Variants in SFRP1 observed in about 807,000 individuals in gnomAD.
SFRP1 encodes secreted frizzled-related protein 1.
Under a neutral mutation model 25.9 loss-of-function variants are expected in SFRP1, and 9 were observed. That is an observed-to-expected ratio of 0.35 (90% CI 0.21 to 0.61). SFRP1 has a LOEUF of 0.61. SFRP1 is among the 20% of genes least tolerant of loss of function. SFRP1 has a pLI of 0.78. For synonymous variants in SFRP1, 178 were observed against 174.0 expected, an observed-to-expected ratio of 1.02 and a Z score of -0.18; for missense variants, 346 against 418.2, an observed-to-expected ratio of 0.83 and a Z score of 1.51.
rs1272813436 is a variant in SFRP1, at chr8:41,264,973, C to T, written c.*194G>A. On this transcript the variant is annotated 3_prime_UTR_variant, in exon 3 of 3. Coordinates refer to ENST00000220772, the MANE Select transcript of SFRP1 (RefSeq NM_003012.5). The stretch of plus-strand genomic sequence containing the variant: ...CTAAATGGCCCTTGCTTTACCCGGC[C>T]ATGGCTACCCTGGGGTTTGGAGCGT... 1 of 561,650 alleles carries T rather than the reference C, an allele frequency of 1.8e-6. No individual in the cohort carries two copies. 34.8% of individuals were successfully genotyped at this position (561,650 alleles called of 1,614,324 possible). A position where few individuals can be genotyped will look rare whatever the true frequency, so the allele number is the denominator to read the frequency against.
At chr8:41,297,575 A>G (rs765054068) in intron 2 of SFRP1, among the ~76,000 whole-genome samples, 26 of 152,148 alleles carry the variant, frequency 1.7e-4, no homozygotes, top group Non-Finnish European at 3.2e-4. Flanking sequence ...AACAGCCACC[A>G]TATTCCAGGA....
intron 2 of SFRP1, among the ~76,000 whole-genome samples, chr8:41,269,988 G>C (rs1009722098): frequency 1.3e-5 from 2 of 152,210 alleles, no homozygotes; most frequent in Admixed American, 6.5e-5. Flanking sequence ...AGACCACAGG[G>C]TCCATTTAAA....
At chr8:41,303,187 C>A (rs1309006468) in intron 2 of SFRP1, among the ~76,000 whole-genome samples, 2 of 151,842 alleles carry the variant, frequency 1.3e-5, no homozygotes, top group Admixed American at 6.6e-5. Flanking sequence ...TCGACCTGTC[C>A]CCAAATCAGC....
At position 41,265,346 on chromosome 8, in the gene SFRP1, A is replaced by G. The variant is rs1803422029; in HGVS notation, c.766T>C (p.Cys256Arg). ...LVLYLKNGADCPCHQLDNLSH... is the reference protein window; with the variant it reads ...LVLYLKNGADRPCHQLDNLSH... The stretch of plus-strand genomic sequence containing the variant: ...AGGTTGTCCAGCTGGTGGCAGGGAC[A>G]GTCAGCCCCATTCTTCAGGTACAGC... Residue 256 changes from cysteine (C) to arginine (R), a missense_variant, in exon 3 of 3, where the codon TGT becomes CGT. Cys to Arg is a radical substitution (Grantham distance 180). Coordinates refer to ENST00000220772, the MANE Select transcript of SFRP1 (RefSeq NM_003012.5). The G allele has an allele frequency of 6.2e-7, 1 of 1,614,018 alleles. No individual in the cohort carries two copies. The highest frequency in any genetic ancestry group is 1.3e-5 in the African/African-American group (1 of 74,936).
At chr8:41,276,360 A>G (rs144371227) in intron 2 of SFRP1, among the ~76,000 whole-genome samples, 56 of 152,356 alleles carry the variant, frequency 3.7e-4, no homozygotes, top group South Asian at 1.7e-3. Context: ...AAGCAACCAC[A>G]ACCTCCTTCC....
chr8:41,290,977 G>C (rs1265220471), intron 2 of SFRP1, among the ~76,000 whole-genome samples: 1 of 128,440 alleles, frequency 7.8e-6, no homozygotes, highest in Non-Finnish European at 1.6e-5. Context: ...CGCGATCTCG[G>C]CTCACTGCAA....
intron 2 of SFRP1, among the ~76,000 whole-genome samples, chr8:41,277,589 A>T (rs889461027): frequency 3.3e-5 from 5 of 152,226 alleles, no homozygotes; most frequent in Non-Finnish European, 7.3e-5. Context: ...CTGAGTCAGC[A>T]GCCATGAGAT....
intron 2 of SFRP1, among the ~76,000 whole-genome samples, chr8:41,295,356 G>A (rs1413661719): frequency 7.3e-5 from 11 of 151,196 alleles, no homozygotes; most frequent in Non-Finnish European, 1.5e-4. Flanking sequence ...GGGAGACTCC[G>A]TCTCAAAAAA....
chr8:41,298,653 A>G (rs1243518486), intron 2 of SFRP1, among the ~76,000 whole-genome samples: 2 of 152,150 alleles, frequency 1.3e-5, no homozygotes, highest in Non-Finnish European at 2.9e-5. Flanking sequence ...GACCTCAAGC[A>G]ATCCTCCTGC....
At chr8:41,294,699 T>C (rs375260173) in intron 2 of SFRP1, among the ~76,000 whole-genome samples, 2 of 152,096 alleles carry the variant, frequency 1.3e-5, no homozygotes, top group South Asian at 4.2e-4. Flanking sequence ...TGCTGTCAAA[T>C]AGCCTCAGCC....
chr8:41,300,485 T>G (rs747417), intron 2 of SFRP1, among the ~76,000 whole-genome samples: 93,593 of 151,974 alleles, frequency 0.62, 29,013 homozygotes, highest in Middle Eastern at 0.73. Context: ...CTAGCAGAAG[T>G]GTATCACCAT....
Position 41,265,141 on chromosome 8 carries a change from C to T in SFRP1, c.*26G>A. 4.8e-6 allele frequency: 2 copies of T among 413,388 alleles called. 1 individual carries two copies. Among genetic ancestry groups the T allele is most frequent in the Non-Finnish European group, 9.8e-6 (2 of 203,960 alleles). The allele number at this position is 413,388 out of a possible 1,614,324, so 25.6% of individuals were successfully genotyped here. On this transcript the variant is annotated 3_prime_UTR_variant, in exon 3 of 3. Coordinates refer to ENST00000220772, the MANE Select transcript of SFRP1 (RefSeq NM_003012.5). ...CCCCGCTCCCACCCCACCCGAGGCTCCCTCCCCACCCTGCCCCCGGGAGAA... is the reference window on the plus strand; with the variant it reads ...CCCCGCTCCCACCCCACCCGAGGCTTCCTCCCCACCCTGCCCCCGGGAGAA...
intron 2 of SFRP1, among the ~76,000 whole-genome samples, chr8:41,286,445 C>T (rs756656386): frequency 6.6e-6 from 1 of 151,808 alleles, no homozygotes; most frequent in Non-Finnish European, 1.5e-5. Context: ...AAAATCAACA[C>T]CAAGGGAGGC....
At chr8:41,308,259 G>A (rs1804022821) in intron 1 of SFRP1, among the ~76,000 whole-genome samples, 1 of 152,236 alleles carries the variant, frequency 6.6e-6, no homozygotes, top group African/African-American at 2.4e-5. Flanking sequence ...TAGAGGAGAG[G>A]GAAGCTCCCC....
intron 1 of SFRP1, among the ~76,000 whole-genome samples, chr8:41,308,124 T>C (rs1365869059): frequency 3.9e-5 from 6 of 152,234 alleles, no homozygotes; most frequent in African/African-American, 1.4e-4. Context: ...TTGTCGAACC[T>C]ATGAAAATAA....
intron 2 of SFRP1, among the ~76,000 whole-genome samples, chr8:41,266,684 C>T (rs1803439631): frequency 6.6e-6 from 1 of 151,976 alleles, no homozygotes; most frequent in Admixed American, 6.5e-5. Context: ...CTCAGCCTCC[C>T]AAAGTGTTGG....
At position 41,272,230 on chromosome 8, in the gene SFRP1, G is replaced by A. The variant is rs545693428; in HGVS notation, c.623-6741C>T. Among the ~76,000 whole-genome samples the A allele has an allele frequency of 2.0e-5, 3 of 152,340 alleles. No homozygotes were observed. The South Asian group carries it at 6.2e-4, about 32-fold the overall frequency. On this transcript the variant is annotated intron_variant, in intron 2 of 2. Coordinates refer to ENST00000220772, the MANE Select transcript of SFRP1 (RefSeq NM_003012.5). ...ATTCAATATTAACCAAAAGTGTGAT[G>A]TAATTATATTGGAAAGATAGTGTAA...
rs370348984 is a variant in SFRP1, at chr8:41,308,841, C to T, written c.319G>A (p.Ala107Thr). The change falls in exon 1 of 3, where the codon GCC (alanine) becomes ACC (threonine). Residue 107 changes from alanine to threonine, a missense_variant. Ala to Thr is a moderately conservative substitution (Grantham distance 58). Coordinates refer to ENST00000220772, the MANE Select transcript of SFRP1 (RefSeq NM_003012.5). Reference protein sequence around the residue: ...WVPLLNKNCHAGTQVFLCSLF... With the variant: ...WVPLLNKNCHTGTQVFLCSLF... ...GAGCAGAGGAAGACCTGGGTGCCGG[C>T]GTGGCAGTTCTTGTTGAGCAGGGGC... 7.2e-5 allele frequency: 116 copies of T among 1,609,848 alleles called. No homozygotes were observed. Among genetic ancestry groups the T allele is most frequent in the Non-Finnish European group, 9.7e-5 (114 of 1,179,372 alleles).
intron 2 of SFRP1, among the ~76,000 whole-genome samples, chr8:41,274,264 C>T (rs1030713945): frequency 8.5e-5 from 13 of 152,196 alleles, no homozygotes; most frequent in African/African-American, 3.1e-4. Context: ...GCTCCATCAG[C>T]CCAGACCAAT....
Sources: allele counts gnomAD v4.1 joint callset (sites outside exome capture counted in the v4.1 genomes callset), GRCh38; gene constraint gnomAD v4.1.1; transcripts MANE v1.5; gene names NCBI Gene and HGNC (gene_info 2026-07-23, HGNC 2026-07-21).